The following ME1 variants were observed in gnomAD, a reference collection of about 807,000 sequenced individuals.
The protein encoded by ME1 is NADP-dependent malic enzyme.
Under a neutral mutation model 66.4 loss-of-function variants are expected in ME1, and 74 were observed. The ratio of observed to expected loss-of-function variants is 1.11; its 90% confidence interval spans 0.92 to 1.35. The LOEUF is 1.35. ME1 is among the 40% of genes most tolerant of loss of function. ME1 has a pLI of 0.00. For synonymous variants in ME1, 251 were observed against 235.6 expected (o/e 1.07, Z -0.60); for missense variants, 750 against 694.1 (o/e 1.08, Z -0.90).
chr6:83,243,284 T>C (rs1285919683), intron 7 of ME1, among the ~76,000 whole-genome samples: 3 of 143,392 alleles, frequency 2.1e-5, no homozygotes, highest in Non-Finnish European at 3.0e-5. Flanking sequence ...ATTAAATATA[T>C]ATATTTAATT....
At chr6:83,214,542 G>C (rs1402699568) in intron 13 of ME1, among the ~76,000 whole-genome samples, 1 of 152,100 alleles carries the variant, frequency 6.6e-6, no homozygotes, top group African/African-American at 2.4e-5. Flanking sequence ...GCTCAGTTTG[G>C]AGTCTCTTAA....
chr6:83,251,871 G>T (rs1254433024), intron 7 of ME1, among the ~76,000 whole-genome samples: 1 of 152,084 alleles, frequency 6.6e-6, no homozygotes, highest in African/African-American at 2.4e-5. Flanking sequence ...GAACTAATAA[G>T]ATCAGATTTC....
intron 10 of ME1, 73 bp downstream of exon 10, chr6:83,228,753 A>AAATTGGTAGT (rs1395342366): frequency 9.9e-7 from 1 of 1,009,736 alleles, no homozygotes; most frequent in Non-Finnish European, 1.5e-6. Context: ...ATTATACCTC[A>AAATTGGTAGT]AAAATTGGTA....
chr6:83,392,553 G>A, intron 3 of ME1: 1 of 550,626 alleles, frequency 1.8e-6, no homozygotes. Context: ...CTGTCTACAT[G>A]TTCCAGTATA....
At chr6:83,350,204 T>C (rs1445934365) in intron 4 of ME1, among the ~76,000 whole-genome samples, 1 of 152,236 alleles carries the variant, frequency 6.6e-6, no homozygotes, top group Non-Finnish European at 1.5e-5. Flanking sequence ...ACTAAGTACC[T>C]ACTATGTGCC....
intron 4 of ME1, among the ~76,000 whole-genome samples, chr6:83,348,053 G>A (rs1446333305): frequency 6.6e-6 from 1 of 151,992 alleles, no homozygotes; most frequent in Non-Finnish European, 1.5e-5. Flanking sequence ...TTGAAAAATT[G>A]TCTTAAAAGC....
At chr6:83,368,294 T>C (rs774255896) in intron 3 of ME1, among the ~76,000 whole-genome samples, 1 of 151,378 alleles carries the variant, frequency 6.6e-6, no homozygotes, top group Non-Finnish European at 1.5e-5. Flanking sequence ...AGATACTAGA[T>C]ACAAGTGAAC....
At chr6:83,287,093 C>G (rs181754329) in intron 6 of ME1, among the ~76,000 whole-genome samples, 1 of 151,932 alleles carries the variant, frequency 6.6e-6, no homozygotes, top group Non-Finnish European at 1.5e-5. Flanking sequence ...AAATTTTCAT[C>G]GACAAATACT....
At chr6:83,243,728 T>C (rs893497039) in intron 7 of ME1, among the ~76,000 whole-genome samples, 2 of 133,408 alleles carry the variant, frequency 1.5e-5, no homozygotes, top group Non-Finnish European at 3.1e-5. Context: ...TGTGTATTTA[T>C]ATAATATATA....
At chr6:83,222,703 T>C (rs1333310034) in intron 12 of ME1, among the ~76,000 whole-genome samples, 3 of 152,196 alleles carry the variant, frequency 2.0e-5, no homozygotes, top group African/African-American at 7.2e-5. Context: ...GATAGGAACA[T>C]GCAGCTCATG....
In ME1 at chr6:83,253,655, T is replaced by C; in HGVS notation, c.788A>G (p.Tyr263Cys). 6.2e-7 allele frequency: 1 copy of C among 1,608,458 alleles called. No individual in the cohort carries two copies. Among genetic ancestry groups the C allele is most frequent in the Non-Finnish European group, 8.5e-7 (1 of 1,175,356 alleles). Residue 263 changes from tyrosine (Y) to cysteine (C), a missense_variant, in exon 7 of 14, where the codon TAT becomes TGT. Tyr to Cys is a radical substitution (Grantham distance 194). Coordinates refer to ENST00000369705, the MANE Select transcript of ME1 (RefSeq NM_002395.6). The part of the protein sequence containing the change: ...FRLLNKYRNQ[Y>C]CTFNDDIQGT... ...TTGAATATCATCATTGAATGTGCAA[T>C]ACTGGTTTCGATACTTGTTCAGGAG...
At chr6:83,263,294 A>G (rs1031629429) in intron 6 of ME1, among the ~76,000 whole-genome samples, 3 of 152,174 alleles carry the variant, frequency 2.0e-5, no homozygotes, top group South Asian at 2.1e-4. Context: ...AATTAGGCCA[A>G]TTAACAACCC....
intron 3 of ME1, among the ~76,000 whole-genome samples, chr6:83,355,061 A>C (rs1768863283): frequency 6.6e-6 from 1 of 152,160 alleles, no homozygotes; most frequent in African/African-American, 2.4e-5. Flanking sequence ...TTTCATATGA[A>C]TGTATTTTGT....
At chr6:83,294,990 C>T (rs919800285) in intron 6 of ME1, among the ~76,000 whole-genome samples, 1 of 152,172 alleles carries the variant, frequency 6.6e-6, no homozygotes, top group Non-Finnish European at 1.5e-5. Context: ...CGATCTGCAG[C>T]CAGCACTCAA....
intron 7 of ME1, among the ~76,000 whole-genome samples, chr6:83,243,276 T>C (rs529548486): frequency 6.9e-6 from 1 of 144,536 alleles, no homozygotes; most frequent in African/African-American, 2.5e-5. Context: ...GTCTCAAAAT[T>C]AAATATATAT....
chr6:83,367,945 T>G (rs901053211), intron 3 of ME1, among the ~76,000 whole-genome samples: 5 of 152,184 alleles, frequency 3.3e-5, no homozygotes, highest in Non-Finnish European at 7.3e-5. Flanking sequence ...AGCTTAATCA[T>G]TTCCAGATTT....
At chr6:83,214,332 G>T (rs1467212514) in intron 13 of ME1, among the ~76,000 whole-genome samples, 1 of 152,148 alleles carries the variant, frequency 6.6e-6, no homozygotes, top group Non-Finnish European at 1.5e-5. Flanking sequence ...CTGACAGAGT[G>T]GCTTATATTT....
At chr6:83,229,867 T>C (rs985250936) in intron 9 of ME1, among the ~76,000 whole-genome samples, 1 of 152,212 alleles carries the variant, frequency 6.6e-6, no homozygotes, top group Admixed American at 6.5e-5. Flanking sequence ...CATTTTGTCA[T>C]GCAAGTTGGA....
At chr6:83,334,266 G>A (rs375877583) in intron 5 of ME1, among the ~76,000 whole-genome samples, 1 of 139,908 alleles carries the variant, frequency 7.1e-6, no homozygotes, top group Non-Finnish European at 1.5e-5. Context: ...ACCGGCTTAA[G>A]AAACGGCGCA....
Sources: gnomAD v4.1 joint callset for allele counts (sites outside exome capture counted in the v4.1 genomes callset) on GRCh38, gnomAD v4.1.1 for gene constraint, MANE v1.5 for transcripts, NCBI Gene and HGNC (gene_info 2026-07-23, HGNC 2026-07-21) for gene names.